The following SNX29 variants were observed in gnomAD, a reference collection of about 807,000 sequenced individuals.
The protein encoded by SNX29 is sorting nexin 29.
SNX29 carries 78 observed loss-of-function variants against 102.1 expected under a neutral mutation model. That is an observed-to-expected ratio of 0.76 (90% CI 0.64 to 0.92). SNX29 has a LOEUF of 0.92. SNX29 is among the 40% of genes least tolerant of loss of function. The pLI, the probability that SNX29 is intolerant of heterozygous loss-of-function variation, is 0.00. For synonymous variants in SNX29, 580 were observed against 414.5 expected (o/e 1.40, Z -4.85); for missense variants, 1,280 against 1,061.7 (o/e 1.21, Z -2.86).
At chr16:12,539,841 G>T (rs143847598) in intron 20 of SNX29, among the ~76,000 whole-genome samples, 1 of 151,884 alleles carries the variant, frequency 6.6e-6, no homozygotes, top group Non-Finnish European at 1.5e-5. Context: ...CTTTGGGGAA[G>T]TAAGTAAGTG....
chr16:12,325,512 A>T (rs1039614369), intron 15 of SNX29, among the ~76,000 whole-genome samples: 6 of 152,212 alleles, frequency 3.9e-5, no homozygotes, highest in Non-Finnish European at 8.8e-5. Flanking sequence ...TTATAAAAGC[A>T]AGAACTCATT....
chr16:12,325,737 T>C (rs931284532), intron 15 of SNX29, among the ~76,000 whole-genome samples: 1 of 152,118 alleles, frequency 6.6e-6, no homozygotes, highest in East Asian at 1.9e-4. Flanking sequence ...TATTTAAATA[T>C]AATTTTTGGC....
At chr16:12,538,217 G>A (rs1369001651) in intron 20 of SNX29, among the ~76,000 whole-genome samples, 3 of 152,128 alleles carry the variant, frequency 2.0e-5, no homozygotes, top group Non-Finnish European at 2.9e-5. Context: ...CTGGGTTCAT[G>A]CCATTCTTGT....
At chr16:12,466,478 A>G (rs1483770399) in intron 18 of SNX29, among the ~76,000 whole-genome samples, 1 of 152,226 alleles carries the variant, frequency 6.6e-6, no homozygotes, top group Admixed American at 6.5e-5. Context: ...GAGATACAGC[A>G]GGGGGACAAC....
At chr16:12,118,584 G>T (rs2053838413) in intron 11 of SNX29, among the ~76,000 whole-genome samples, 1 of 151,976 alleles carries the variant, frequency 6.6e-6, no homozygotes, top group Admixed American at 6.6e-5. Flanking sequence ...CCAAAGTGTT[G>T]GTATGACAGG....
At chr16:12,279,710 G>T (rs1402348947) in intron 15 of SNX29, among the ~76,000 whole-genome samples, 1 of 152,200 alleles carries the variant, frequency 6.6e-6, no homozygotes, top group Admixed American at 6.5e-5. Flanking sequence ...ACCTCTGTAC[G>T]TTCCACAGCC....
At chr16:12,408,535 C>T (rs11075067) in intron 18 of SNX29, among the ~76,000 whole-genome samples, 10,288 of 152,238 alleles carry the variant, frequency 0.068, 459 homozygotes, top group East Asian at 0.19. Context: ...TGAAAAAGTC[C>T]TCCGGCCAGG....
chr16:12,320,998 C>T (rs909975630), intron 15 of SNX29, among the ~76,000 whole-genome samples: 6 of 152,178 alleles, frequency 3.9e-5, no homozygotes, highest in East Asian at 1.9e-4. Flanking sequence ...AGGACTGAGG[C>T]GATAAGGCCT....
intron 15 of SNX29, among the ~76,000 whole-genome samples, chr16:12,350,162 A>G (rs2081954238): frequency 6.6e-6 from 1 of 152,176 alleles, no homozygotes; most frequent in African/African-American, 2.4e-5. Context: ...TGAGGTAGCA[A>G]CACTGCATGT....
chr16:12,142,882 C>G (rs2054914859), intron 13 of SNX29, among the ~76,000 whole-genome samples: 1 of 151,916 alleles, frequency 6.6e-6, no homozygotes, highest in Non-Finnish European at 1.5e-5. Flanking sequence ...TTTGTTGATT[C>G]ACTCTTCAAA....
chr16:12,409,169 C>T (rs2084292455), intron 18 of SNX29, among the ~76,000 whole-genome samples: 1 of 152,180 alleles, frequency 6.6e-6, no homozygotes, highest in Non-Finnish European at 1.5e-5. Context: ...TGGCTGCTGG[C>T]AGGCACTAGC....
chr16:12,377,957 T>C (rs2082937842), intron 16 of SNX29, among the ~76,000 whole-genome samples: 1 of 152,062 alleles, frequency 6.6e-6, no homozygotes, highest in Non-Finnish European at 1.5e-5. Context: ...ACAAATAAAA[T>C]AAATGCTGGA....
At chr16:12,342,120 C>G (rs1309033767) in intron 15 of SNX29, among the ~76,000 whole-genome samples, 1 of 152,182 alleles carries the variant, frequency 6.6e-6, no homozygotes, top group Non-Finnish European at 1.5e-5. Flanking sequence ...ATGAGCCACT[C>G]TGTTGGGGGT....
chr16:12,446,137 C>T (rs997085716), intron 18 of SNX29, among the ~76,000 whole-genome samples: 1 of 150,452 alleles, frequency 6.6e-6, no homozygotes, highest in Non-Finnish European at 1.5e-5. Flanking sequence ...CTCACTGCAG[C>T]CTCCACCTCT....
chr16:12,137,629 C>G (rs2054710648), intron 13 of SNX29, among the ~76,000 whole-genome samples: 1 of 152,218 alleles, frequency 6.6e-6, no homozygotes. Flanking sequence ...ATCTCACACT[C>G]CACCCTGAGG....
chr16:12,422,770 C>T (rs1223483471), intron 18 of SNX29, among the ~76,000 whole-genome samples: 1 of 152,218 alleles, frequency 6.6e-6, no homozygotes, highest in Non-Finnish European at 1.5e-5. Flanking sequence ...TCCACATGGC[C>T]GCCAGCTCAG....
intron 19 of SNX29, among the ~76,000 whole-genome samples, chr16:12,496,453 A>G (rs942539283): frequency 6.7e-6 from 1 of 148,402 alleles, no homozygotes; most frequent in South Asian, 2.1e-4. Context: ...GCTGGAGCAC[A>G]TGGTCCCAAG....
chr16:12,185,846 G>A (rs2076497415), intron 13 of SNX29, among the ~76,000 whole-genome samples: 1 of 152,190 alleles, frequency 6.6e-6, no homozygotes. Context: ...GTAGGAAAGG[G>A]ACTCATTTGA....
intron 13 of SNX29, among the ~76,000 whole-genome samples, chr16:12,164,102 G>C (rs1195870697): frequency 2.6e-5 from 4 of 152,056 alleles, no homozygotes; most frequent in African/African-American, 9.7e-5. Flanking sequence ...GTGTGTGTAG[G>C]GGCACAAAGG....
Sources: gnomAD v4.1 joint callset for allele counts (sites outside exome capture counted in the v4.1 genomes callset) on GRCh38, gnomAD v4.1.1 for gene constraint, MANE v1.5 for transcripts, NCBI Gene and HGNC (gene_info 2026-07-23, HGNC 2026-07-21) for gene names.